The following MKS1 variants were observed in gnomAD, a reference collection of about 807,000 sequenced individuals.
MKS1 encodes the protein MKS transition zone complex subunit 1.
Under a neutral mutation model 83.7 loss-of-function variants are expected in MKS1, and 70 were observed. That is an observed-to-expected ratio of 0.84 (90% CI 0.69 to 1.02). The LOEUF is 1.02. Ranked by LOEUF, MKS1 falls within the 50% of genes least tolerant of loss-of-function variation. The pLI is 0.00. For synonymous variants in MKS1, 251 were observed against 273.4 expected (o/e 0.92, Z 0.81); for missense variants, 681 against 726.9 (o/e 0.94, Z 0.73).
intron 8 of MKS1, 99 bp from the exon 9 acceptor site, chr17:58,212,533 G>T: frequency 1.5e-6 from 2 of 1,336,106 alleles, no homozygotes; most frequent in Non-Finnish European, 1.1e-6. Flanking sequence ...GGAAGGGTCA[G>T]CAAGAGCTGG....
intron 11 of MKS1, among the ~76,000 whole-genome samples, chr17:58,210,263 G>A (rs1490925958): frequency 1.3e-5 from 2 of 152,224 alleles, no homozygotes; most frequent in African/African-American, 4.8e-5. Flanking sequence ...TGGTATTTAA[G>A]CCATAGGATG....
At chr17:58,217,837 A>T (rs1255791827) in intron 2 of MKS1, among the ~76,000 whole-genome samples, 1 of 152,150 alleles carries the variant, frequency 6.6e-6, no homozygotes, top group African/African-American at 2.4e-5. Flanking sequence ...CAAAGAAAAC[A>T]AATCTAATCT....
chr17:58,211,430 A>T (rs147216776), intron 9 of MKS1, among the ~76,000 whole-genome samples: 6 of 152,284 alleles, frequency 3.9e-5, no homozygotes, highest in East Asian at 1.9e-4. Context: ...TGCAATATGG[A>T]AATAGTGAAG....
At chr17:58,207,243 G>A in intron 14 of MKS1, 25 bp from the exon 15 acceptor site, 2 of 1,613,194 alleles carry the variant, frequency 1.2e-6, no homozygotes, top group Non-Finnish European at 1.7e-6. Context: ...AGAAGACTGG[G>A]GCCAGGTCCA....
intron 2 of MKS1, among the ~76,000 whole-genome samples, chr17:58,217,093 G>A (rs1230557538): frequency 2.6e-5 from 4 of 152,164 alleles, no homozygotes; most frequent in Non-Finnish European, 4.4e-5. Flanking sequence ...GGGTTCAAGC[G>A]ATTCTCCTGC....
At chr17:58,215,902 C>G in intron 4 of MKS1, 186 bp downstream of exon 4, 3 of 705,380 alleles carry the variant, frequency 4.3e-6, no homozygotes, top group Admixed American at 4.4e-5. Context: ...GAGCAGCAGC[C>G]TCACCACCTG....
At chr17:58,214,647 A>G in intron 5 of MKS1, 94 bp downstream of exon 5, 1 of 1,321,850 alleles carries the variant, frequency 7.6e-7, no homozygotes, top group African/African-American at 1.5e-5. Context: ...GTAATACTTG[A>G]ATACTATATA....
rs1400642871 is a variant in MKS1, at chr17:58,208,353, A to G, written c.1095+160T>C. 2.6e-5 allele frequency: 25 copies of G among 980,122 alleles called. No homozygotes were observed. In the Admixed American group the frequency reaches 4.0e-4, roughly 16 times the overall value. The allele number at this position is 980,122 out of a possible 1,614,324, so 60.7% of individuals were successfully genotyped here. The stretch of plus-strand genomic sequence containing the variant: ...GCTGCTGCCATGCTCAAAAAGACAG[A>G]CAGGATCTCCGGACCAGGTGGCCCT... On this transcript the variant is annotated intron_variant, in intron 12 of 17. Coordinates refer to ENST00000393119, the MANE Select transcript of MKS1 (RefSeq NM_017777.4).
rs1348134123 is a variant in MKS1, at chr17:58,217,775, C to G, written c.190+845G>C. Among the ~76,000 whole-genome samples, 3 of 152,158 alleles carry G rather than the reference C, an allele frequency of 2.0e-5. No homozygotes were observed. The East Asian group carries it at 5.8e-4, about 29-fold the overall frequency. ...GAGCTATGATCATACCACTGCACTC[C>G]AGCCTGAGCAGAAGAATGAGATTCT... On this transcript the variant is annotated intron_variant, in intron 2 of 17. Transcript: ENST00000393119.
At chr17:58,208,644 AAGAC>A in intron 11 of MKS1, 61 bp from the exon 12 acceptor site, 1 of 1,491,016 alleles carries the variant, frequency 6.7e-7, no homozygotes, top group South Asian at 1.2e-5. Flanking sequence ...CATTCAGAAA[AAGAC>A]AGTTTCTTTT....
rs1555597344 is a variant in MKS1, at chr17:58,207,221, G to A, written c.1274-3C>T. On this transcript the variant is annotated splice_region_variant and splice_polypyrimidine_tract_variant and intron_variant, in intron 14 of 17. Transcript: ENST00000393119. ...GGAGACTGTCAGGGTGTGTGAGCCT[G>A]CGCAAGGGAAGAGAAGACTGGGGCC... 6.2e-7 allele frequency: 1 copy of A among 1,614,006 alleles called. No homozygotes were observed. Among genetic ancestry groups the A allele is most frequent in the Non-Finnish European group, 8.5e-7 (1 of 1,180,036 alleles).
At chr17:58,206,717 G>A in intron 15 of MKS1, 170 bp from the exon 16 acceptor site, 1 of 755,274 alleles carries the variant, frequency 1.3e-6, no homozygotes, top group Non-Finnish European at 2.2e-6. Context: ...CTGGGCTATT[G>A]GGCTCCCCCA....
intron 12 of MKS1, 129 bp from the exon 13 acceptor site, chr17:58,208,303 G>C: frequency 1.0e-6 from 1 of 972,900 alleles, no homozygotes; most frequent in Non-Finnish European, 1.6e-6. Context: ...AGGAGTCTGA[G>C]ATGCAAAAGG....
intron 4 of MKS1, 155 bp from the exon 5 acceptor site, chr17:58,214,993 A>G (rs1969109909): frequency 1.3e-5 from 16 of 1,219,158 alleles, no homozygotes; most frequent in Non-Finnish European, 1.8e-5. Flanking sequence ...AGGGAGCAGT[A>G]GCCAAACAAC....
At chr17:58,217,435 T>A (rs529065824) in intron 2 of MKS1, among the ~76,000 whole-genome samples, 1 of 152,372 alleles carries the variant, frequency 6.6e-6, no homozygotes, top group African/African-American at 2.4e-5. Context: ...TAAAGCCATA[T>A]ATGTAGAATC....
At position 58,218,729 on chromosome 17, in the gene MKS1, T is replaced by C. The variant is rs1488705536; in HGVS notation, c.81A>G (p.Arg27=). The C allele has an allele frequency of 6.2e-7, 1 of 1,612,552 alleles. No homozygotes were observed. The highest frequency in any genetic ancestry group is 1.3e-5 in the African/African-American group (1 of 74,852). The stretch of plus-strand genomic sequence containing the variant: ...TTGATGTGATTCTTTGCAGGTGGAC[T>C]CTGTCAAGAAAAGCCCAAAATATTC... The part of the protein sequence containing the change: ...SRDPVRNLRL[R]VHLQRITSSN... Residue 27 remains arginine, a splice_region_variant and synonymous_variant, in exon 2 of 18, where the codon CGA becomes CGG. Transcript: ENST00000393119.
At chr17:58,213,442 C>A (rs547975927) in intron 7 of MKS1, among the ~76,000 whole-genome samples, 1 of 152,290 alleles carries the variant, frequency 6.6e-6, no homozygotes, top group Admixed American at 6.5e-5. Flanking sequence ...AGATGAGGAA[C>A]AGTCAGCCCA....
At position 58,210,712 on chromosome 17, in the gene MKS1, C is replaced by T. The variant is rs776673480; in HGVS notation, c.971G>A (p.Gly324Asp). 13 of 1,614,026 alleles carry T rather than the reference C, an allele frequency of 8.1e-6. No individual in the cohort carries two copies. The Admixed American group carries it at 1.3e-4, about 17-fold the overall frequency. ...GACGTAGAGATTGTCATACTCATAG[C>T]CTTGGGCTGAAACTACGAGAGAAAA... ...FVNGEVVSAQ[G>D]YEYDNLYVHF... Residue 324 changes from glycine (G) to aspartate (D), a missense_variant, in exon 11 of 18, where the codon GGC becomes GAC. Gly to Asp is a moderately conservative substitution (Grantham distance 94). Transcript: ENST00000393119.
chr17:58,208,212 C>A, intron 12 of MKS1, 38 bp from the exon 13 acceptor site: 5 of 1,533,342 alleles, frequency 3.3e-6, no homozygotes, highest in Non-Finnish European at 4.5e-6. Context: ...CAAGGCCTCC[C>A]TTGGAATCTG....
Sources: gnomAD v4.1 joint callset for allele counts (sites outside exome capture counted in the v4.1 genomes callset) on GRCh38, gnomAD v4.1.1 for gene constraint, MANE v1.5 for transcripts, NCBI Gene and HGNC (gene_info 2026-07-23, HGNC 2026-07-21) for gene names.